Variants in ZNF536 observed in about 807,000 individuals in gnomAD.
ZNF536 encodes the protein zinc finger protein 536.
ZNF536 carries 13 observed loss-of-function variants against 84.5 expected under a neutral mutation model. That is an observed-to-expected ratio of 0.15 (90% CI 0.10 to 0.24). The LOEUF is 0.24. Among genes scored for constraint, ZNF536 ranks in the 10% least tolerant of loss-of-function variants. The pLI is 1.00. For synonymous variants in ZNF536, 811 were observed against 742.5 expected (o/e 1.09, Z -1.50); for missense variants, 1,536 against 1,747.5 (o/e 0.88, Z 2.16).
intron 2 of ZNF536, among the ~76,000 whole-genome samples, chr19:30,460,199 G>A (rs1377484058): frequency 6.6e-6 from 1 of 152,186 alleles, no homozygotes; most frequent in Non-Finnish European, 1.5e-5. Flanking sequence ...GGGGAATGGG[G>A]TGTACCACTT....
At position 30,575,156 on chromosome 19, in the gene ZNF536, C is replaced by T. The variant is rs541654696; in HGVS notation, c.169+25642C>T. ...TTCATTCATTCATTCATTCATTCAG[C>T]AAGCAAGCATTGATGGAACATCTCT... On this transcript the variant is annotated intron_variant, in intron 1 of 1. Transcript: ENST00000592773. Among the ~76,000 whole-genome samples, 33 of 151,390 alleles carry T rather than the reference C, an allele frequency of 2.2e-4. 1 individual carries two copies. In the East Asian group the frequency reaches 5.6e-3, roughly 26 times the overall value.
chr19:30,317,409 G>A (rs2046716056), intron 2 of ZNF536, among the ~76,000 whole-genome samples: 1 of 152,194 alleles, frequency 6.6e-6, no homozygotes, highest in African/African-American at 2.4e-5. Flanking sequence ...CAGACACATG[G>A]TAGGTGACAT....
upstream of ZNF536, among the ~76,000 whole-genome samples, chr19:30,228,039 C>G (rs1196756466): frequency 1.3e-5 from 2 of 151,820 alleles, no homozygotes; most frequent in Middle Eastern, 3.2e-3. The surrounding 1 kb of genome is among the most constrained non-coding windows in gnomAD (Gnocchi z 4.5). Flanking sequence ...GTGGGGTGTG[C>G]GTGCGTGCGT....
chr19:30,642,606 G>A (rs1287763890), intron 1 of ZNF536, among the ~76,000 whole-genome samples: 1 of 152,178 alleles, frequency 6.6e-6, no homozygotes, highest in Non-Finnish European at 1.5e-5. Context: ...CTGTCATTAC[G>A]GAGAGGAGGC....
At chr19:30,684,782 G>C (rs561237041) in intron 1 of ZNF536, among the ~76,000 whole-genome samples, 2 of 152,284 alleles carry the variant, frequency 1.3e-5, no homozygotes, top group South Asian at 2.1e-4. Flanking sequence ...ACTTTATAGG[G>C]GCTGATTGAC....
At chr19:30,637,539 A>T (rs1033956631) in intron 1 of ZNF536, among the ~76,000 whole-genome samples, 1 of 152,250 alleles carries the variant, frequency 6.6e-6, no homozygotes, top group Non-Finnish European at 1.5e-5. Flanking sequence ...CTTGTTGGCC[A>T]GTCTTCATTC....
intron 2 of ZNF536, among the ~76,000 whole-genome samples, chr19:30,477,761 A>T (rs1473728931): frequency 1.3e-5 from 2 of 152,194 alleles, no homozygotes. Context: ...CAGAAGAATA[A>T]AAGGACTTAA....
intron 1 of ZNF536, among the ~76,000 whole-genome samples, chr19:30,383,682 TCC>T (rs1568376452): frequency 0.015 from 608 of 40,032 alleles, 46 homozygotes; most frequent in African/African-American, 0.022. Flanking sequence ...CTTCCTTTCT[TCC>T]TTCCTTTCTT....
intron 4 of ZNF536, among the ~76,000 whole-genome samples, chr19:30,551,251 T>C (rs1261260463): frequency 6.6e-6 from 1 of 152,108 alleles, no homozygotes; most frequent in Non-Finnish European, 1.5e-5. Flanking sequence ...CTCATTATTA[T>C]TGAAATGAGC....
intron 1 of ZNF536, among the ~76,000 whole-genome samples, chr19:30,707,496 A>G (rs1361783970): frequency 6.6e-6 from 1 of 152,092 alleles, no homozygotes; most frequent in African/African-American, 2.4e-5. Context: ...TTACCTGGCA[A>G]TCATGGCACT....
At chr19:30,668,856 A>T (rs1321118066) in intron 1 of ZNF536, among the ~76,000 whole-genome samples, 1 of 152,190 alleles carries the variant, frequency 6.6e-6, no homozygotes, top group Non-Finnish European at 1.5e-5. Flanking sequence ...CTGTGTGCCC[A>T]AGCCTGGTTG....
At chr19:30,332,927 C>T (rs2047260368) in intron 2 of ZNF536, among the ~76,000 whole-genome samples, 1 of 152,092 alleles carries the variant, frequency 6.6e-6, no homozygotes, top group Non-Finnish European at 1.5e-5. Flanking sequence ...ACAAAAAATA[C>T]AAAAATTAGT....
intron 1 of ZNF536, among the ~76,000 whole-genome samples, chr19:30,582,557 A>AT (rs1293235382): frequency 6.6e-6 from 1 of 151,674 alleles, no homozygotes; most frequent in Non-Finnish European, 1.5e-5. Flanking sequence ...TGCCAGGCTA[A>AT]TTTTTTTATT....
intron 2 of ZNF536, among the ~76,000 whole-genome samples, chr19:30,476,321 G>A (rs566434833): frequency 6.6e-6 from 1 of 152,288 alleles, no homozygotes. Context: ...TAGCATCCTG[G>A]CATTTGGAAT....
At chr19:30,287,441 G>T (rs1055808016) in intron 2 of ZNF536, among the ~76,000 whole-genome samples, 6 of 151,360 alleles carry the variant, frequency 4.0e-5, no homozygotes, top group African/African-American at 1.5e-4. Flanking sequence ...ATGGATGGGT[G>T]GATAAATGGG....
intron 1 of ZNF536, among the ~76,000 whole-genome samples, chr19:30,392,860 G>A (rs1015531108): frequency 9.2e-5 from 14 of 152,090 alleles, no homozygotes; most frequent in Non-Finnish European, 1.8e-4. Flanking sequence ...CAGGGTGCAC[G>A]CTCATTTAAT....
chr19:30,456,252 A>G (rs2052834804), intron 2 of ZNF536, among the ~76,000 whole-genome samples: 1 of 151,198 alleles, frequency 6.6e-6, no homozygotes, highest in African/African-American at 2.4e-5. Context: ...AAAACTCTAT[A>G]TCTATAAAAT....
At chr19:30,622,846 G>A (rs1437873728) in intron 1 of ZNF536, among the ~76,000 whole-genome samples, 1 of 151,832 alleles carries the variant, frequency 6.6e-6, no homozygotes, top group Non-Finnish European at 1.5e-5. Context: ...TGCGATGTTG[G>A]AACCCCAAAT....
chr19:30,612,019 C>A (rs756066550), intron 1 of ZNF536, among the ~76,000 whole-genome samples: 66 of 152,092 alleles, frequency 4.3e-4, no homozygotes, highest in Admixed American at 1.7e-3. Flanking sequence ...ATGGCAGCTT[C>A]CTGGGTTTGC....
Sources: allele counts gnomAD v4.1 joint callset (sites outside exome capture counted in the v4.1 genomes callset), GRCh38; gene constraint gnomAD v4.1.1; non-coding constraint Gnocchi (gnomAD v3.1); transcripts MANE v1.5; gene names NCBI Gene and HGNC (gene_info 2026-07-23, HGNC 2026-07-21).